The following NUDCD1 variants were observed in gnomAD, a reference collection of about 807,000 sequenced individuals.
NUDCD1 encodes the protein nudC domain-containing protein 1.
A neutral mutation model predicts 67.8 loss-of-function variants in NUDCD1; 60 were observed. That is an observed-to-expected ratio of 0.88 (90% CI 0.72 to 1.10). The LOEUF is 1.10. Among genes scored for constraint, NUDCD1 ranks in the 50% least tolerant of loss-of-function variants. The pLI is 0.00. For synonymous variants in NUDCD1, 244 were observed against 230.8 expected, an observed-to-expected ratio of 1.06 and a Z score of -0.52; for missense variants, 643 against 695.0, an observed-to-expected ratio of 0.93 and a Z score of 0.84.
chr8:109,321,552 C>CA, intron 2 of NUDCD1, among the ~76,000 whole-genome samples: 1 of 151,736 alleles, frequency 6.6e-6, no homozygotes, highest in African/African-American at 2.4e-5. Flanking sequence ...ATTCCTCCTG[C>CA]AAAAAAGTAG....
intron 4 of NUDCD1, among the ~76,000 whole-genome samples, chr8:109,291,666 A>C (rs1814714996): frequency 6.6e-6 from 1 of 152,198 alleles, no homozygotes. Flanking sequence ...CAAGATATAA[A>C]AGAAAGATAA....
At chr8:109,326,179 C>T (rs1815678470) in intron 1 of NUDCD1, among the ~76,000 whole-genome samples, 1 of 152,190 alleles carries the variant, frequency 6.6e-6, no homozygotes, top group Admixed American at 6.5e-5. Context: ...GCTTCTTAGA[C>T]ATCAGTCTTA....
chr8:109,284,341 A>G (rs1412449495), intron 5 of NUDCD1, among the ~76,000 whole-genome samples: 1 of 152,148 alleles, frequency 6.6e-6, no homozygotes, highest in African/African-American at 2.4e-5. Flanking sequence ...AATAGTGGGG[A>G]ACTTCAACAT....
At chr8:109,251,951 C>A (rs1326002394) in intron 8 of NUDCD1, among the ~76,000 whole-genome samples, 1 of 152,124 alleles carries the variant, frequency 6.6e-6, no homozygotes, top group African/African-American at 2.4e-5. Flanking sequence ...GTTTCATCTT[C>A]GTTCAATACA....
In NUDCD1 at chr8:109,241,714, T is replaced by A; in HGVS notation, c.*1295A>T. On this transcript the variant is annotated 3_prime_UTR_variant, in exon 10 of 10. Coordinates refer to ENST00000239690, the MANE Select transcript of NUDCD1 (RefSeq NM_032869.4). ...TTTTTTCCTCCTCTCTGTCATTCATTCGTTCATTAAAATTTAGTTGAGTCA... is the reference window on the plus strand; with the variant it reads ...TTTTTTCCTCCTCTCTGTCATTCATACGTTCATTAAAATTTAGTTGAGTCA... 1 of 174,972 alleles carries A rather than the reference T, an allele frequency of 5.7e-6. No homozygotes were observed. The highest frequency in any genetic ancestry group is 2.3e-5 in the African/African-American group (1 of 42,716). 10.8% of individuals were successfully genotyped at this position (174,972 alleles called of 1,614,324 possible).
chr8:109,242,723 T>C lies in NUDCD1; in HGVS notation c.*286A>G, dbSNP rs11550167. ...TAAACACTGAATTGTACATCTTTCA[T>C]ATAAAACATGAGATTCTAGCCTGTT... On this transcript the variant is annotated 3_prime_UTR_variant, in exon 10 of 10. Coordinates refer to ENST00000239690, the MANE Select transcript of NUDCD1 (RefSeq NM_032869.4). The C allele has an allele frequency of 8.7e-3, 1,852 of 213,040 alleles. 12 individuals are homozygous for C. Among genetic ancestry groups the C allele is most frequent in the Middle Eastern group, 0.015 (8 of 548 alleles). 13.2% of individuals were successfully genotyped at this position (213,040 alleles called of 1,614,324 possible).
At chr8:109,285,653 G>C (rs1382979655) in intron 5 of NUDCD1, among the ~76,000 whole-genome samples, 1 of 151,880 alleles carries the variant, frequency 6.6e-6, no homozygotes, top group East Asian at 1.9e-4. Context: ...GGCATCAAAG[G>C]AACACACTTC....
At chr8:109,273,034 AG>A (rs1312055812) in intron 7 of NUDCD1, among the ~76,000 whole-genome samples, 28 of 152,246 alleles carry the variant, frequency 1.8e-4, no homozygotes, top group Non-Finnish European at 1.5e-5. Context: ...CAAGGCCACC[AG>A]TGCTTCACAG....
Position 109,329,845 on chromosome 8 carries a change from T to C in NUDCD1, c.118+4048A>G, listed in dbSNP as rs753908056. ...CCTGGAGATAAAGCATTGAAAACGA[T>C]GGACATGGGACCCTTCAATACAAAA... is the stretch of plus-strand genomic sequence containing the variant. On this transcript the variant is annotated intron_variant, in intron 1 of 9. Coordinates refer to ENST00000239690, the MANE Select transcript of NUDCD1 (RefSeq NM_032869.4). 7 of 1,550,658 alleles carry C rather than the reference T, an allele frequency of 4.5e-6. No individual in the cohort carries two copies. In the Admixed American group the frequency reaches 1.4e-4, roughly 30 times the overall value.
intron 2 of NUDCD1, among the ~76,000 whole-genome samples, chr8:109,305,093 T>G (rs890707936): frequency 3.3e-5 from 5 of 152,090 alleles, no homozygotes; most frequent in African/African-American, 1.2e-4. Flanking sequence ...CAGTGTTCCA[T>G]CTGCTATTCT....
At chr8:109,274,909 G>T (rs566949838) in intron 7 of NUDCD1, among the ~76,000 whole-genome samples, 1 of 152,092 alleles carries the variant, frequency 6.6e-6, no homozygotes, top group East Asian at 1.9e-4. Context: ...TTATCACAAT[G>T]AATTACATTA....
chr8:109,257,476 T>G (rs912365410), intron 8 of NUDCD1, among the ~76,000 whole-genome samples: 4 of 152,112 alleles, frequency 2.6e-5, no homozygotes, highest in Non-Finnish European at 5.9e-5. Flanking sequence ...AGACAATGTT[T>G]ATGGATCAGA....
chr8:109,327,818 T>C (rs1815713994), intron 1 of NUDCD1, among the ~76,000 whole-genome samples: 2 of 152,074 alleles, frequency 1.3e-5, no homozygotes, highest in Admixed American at 6.6e-5. Context: ...AATAAACAAA[T>C]AAAAAAGGCT....
At chr8:109,311,559 G>GTGTGTGTATGTATGTATATATATA in intron 2 of NUDCD1, among the ~76,000 whole-genome samples, 2 of 125,120 alleles carry the variant, frequency 1.6e-5, no homozygotes, top group African/African-American at 7.0e-5. Context: ...AAACTGTGGT[G>GTGTGTGTATGTATGTATATATATA]TATATATATA....
In NUDCD1 at chr8:109,242,682, T is replaced by C. The variant is rs950987237; in HGVS notation, c.*327A>G. The C allele has an allele frequency of 4.9e-5, 9 of 183,172 alleles. No individual in the cohort carries two copies. Among genetic ancestry groups the C allele is most frequent in the Non-Finnish European group, 8.1e-5 (7 of 86,256 alleles). The allele number at this position is 183,172 out of a possible 1,614,324, so 11.3% of individuals were successfully genotyped here. ...ACTAATCAACGAACAGAGTACACAATAAATATTTTTATTTTTAAACACTGA... is the reference window on the plus strand; with the variant it reads ...ACTAATCAACGAACAGAGTACACAACAAATATTTTTATTTTTAAACACTGA... On this transcript the variant is annotated 3_prime_UTR_variant, in exon 10 of 10. Transcript: ENST00000239690.
rs183943630 is a variant in NUDCD1, at chr8:109,266,257, G to A, written c.1299+4748C>T. The stretch of plus-strand genomic sequence containing the variant: ...ATTTTTTTTTTTGAGACGGAGTCTC[G>A]CTGTGTCACCCAGGCCGGAGTGCAG... On this transcript the variant is annotated intron_variant, in intron 8 of 9. Coordinates refer to ENST00000239690, the MANE Select transcript of NUDCD1 (RefSeq NM_032869.4). 2.6e-3 allele frequency among the ~76,000 whole-genome samples: 387 copies of A among 150,810 alleles called. 2 individuals are homozygous for A. Among genetic ancestry groups the A allele is most frequent in the African/African-American group, 8.1e-3 (332 of 41,046 alleles).
chr8:109,293,480 G>A lies in NUDCD1; in HGVS notation c.504C>T (p.His168=). The change falls in exon 4 of 10, where the codon CAC becomes CAT. Residue 168 remains histidine, a synonymous_variant. Transcript: ENST00000239690. ...CTTCAGCATTTAGCAGTGAGATACT[G>A]TGAATTATAATAAAAGGATCCCCAA... ...EELGDPFIII[H]SISLLNAEEH... The A allele has an allele frequency of 6.4e-7, 1 of 1,570,694 alleles. No individual in the cohort carries two copies. Among genetic ancestry groups the A allele is most frequent in the Non-Finnish European group, 8.6e-7 (1 of 1,160,878 alleles).
chr8:109,262,032 T>C (rs1448914961), intron 8 of NUDCD1, among the ~76,000 whole-genome samples: 4 of 152,162 alleles, frequency 2.6e-5, no homozygotes, highest in African/African-American at 9.7e-5. Context: ...AAAAAACGTC[T>C]TTCAGTTATC....
chr8:109,312,822 G>A (rs1428198767), intron 2 of NUDCD1, among the ~76,000 whole-genome samples: 1 of 152,074 alleles, frequency 6.6e-6, no homozygotes, highest in Non-Finnish European at 1.5e-5. Flanking sequence ...ATCAGATAAG[G>A]CCTCTGCATG....
Sources: gnomAD v4.1 joint callset for allele counts (sites outside exome capture counted in the v4.1 genomes callset) on GRCh38, gnomAD v4.1.1 for gene constraint, MANE v1.5 for transcripts, NCBI Gene and HGNC (gene_info 2026-07-23, HGNC 2026-07-21) for gene names.